The following PTER variants were observed in gnomAD, a reference collection of about 807,000 sequenced individuals.
PTER encodes N-acetyltaurine hydrolase.
Under a neutral mutation model 29.6 loss-of-function variants are expected in PTER, and 38 were observed. The observed-to-expected ratio is 1.28, with a 90% CI of 0.99 to 1.68. PTER has a LOEUF of 1.68. Among genes scored for constraint, PTER ranks in the 40% most tolerant of loss-of-function variants. The probability of loss-of-function intolerance (pLI) is 0.00; values close to 1 mark genes in which losing one functional copy is unlikely to be tolerated. For synonymous variants in PTER, 172 were observed against 154.5 expected (o/e 1.11, Z -0.84); for missense variants, 482 against 427.8 (o/e 1.13, Z -1.12).
chr10:16,447,932 G>A (rs890309211), intron 1 of PTER, among the ~76,000 whole-genome samples: 1 of 152,126 alleles, frequency 6.6e-6, no homozygotes, highest in Non-Finnish European at 1.5e-5. Context: ...TTCAGGACCC[G>A]TTCGAGCCCA....
chr10:16,456,033 C>T (rs1834383638), intron 1 of PTER, among the ~76,000 whole-genome samples: 1 of 152,136 alleles, frequency 6.6e-6, no homozygotes, highest in Non-Finnish European at 1.5e-5. Flanking sequence ...CAACCATCAT[C>T]CCCGGAATGC....
chr10:16,454,103 T>A (rs1454669983), intron 1 of PTER, among the ~76,000 whole-genome samples: 1 of 152,224 alleles, frequency 6.6e-6, no homozygotes, highest in Non-Finnish European at 1.5e-5. Flanking sequence ...TGTGTCTATT[T>A]TTTTGTGAGG....
intron 1 of PTER, among the ~76,000 whole-genome samples, chr10:16,466,507 C>T (rs1389087314): frequency 6.6e-6 from 1 of 152,166 alleles, no homozygotes; most frequent in Non-Finnish European, 1.5e-5. Context: ...AGGCATGGGC[C>T]ACCACGCCCA....
chr10:16,494,247 T>C (rs1336315290), intron 3 of PTER, among the ~76,000 whole-genome samples: 2 of 152,256 alleles, frequency 1.3e-5, no homozygotes. Flanking sequence ...TTAATTACAC[T>C]TTGTAATTCG....
At chr10:16,501,755 A>G (rs1330509318) in intron 3 of PTER, among the ~76,000 whole-genome samples, 2 of 152,220 alleles carry the variant, frequency 1.3e-5, no homozygotes, top group African/African-American at 4.8e-5. Flanking sequence ...GAGAAGCCAT[A>G]CAGTATGGTG....
intron 3 of PTER, among the ~76,000 whole-genome samples, chr10:16,498,041 A>G (rs916961059): frequency 1.6e-4 from 25 of 152,248 alleles, no homozygotes; most frequent in African/African-American, 5.8e-4. Flanking sequence ...AAATGATATC[A>G]TATGAATGAC....
chr10:16,439,407 G>A (rs976524646), intron 1 of PTER, among the ~76,000 whole-genome samples: 15 of 152,204 alleles, frequency 9.9e-5, no homozygotes, highest in Admixed American at 7.9e-4. Flanking sequence ...CCAAATAGAA[G>A]CAGAGAGTAA....
rs752376820 is a variant in PTER at position 16,484,424 on chromosome 10, C to T, written c.40C>T (p.Leu14Phe). The T allele has an allele frequency of 6.2e-7, 1 of 1,610,208 alleles. No individual in the cohort carries two copies. The highest frequency in any genetic ancestry group is 8.5e-7 in the Non-Finnish European group (1 of 1,179,132). Residue 14 changes from leucine to phenylalanine, a missense_variant, in exon 2 of 5, where the codon CTT becomes TTT. Coordinates refer to ENST00000535784, the MANE Select transcript of PTER (RefSeq NM_001261836.2). ...LSGKVQTVLG[L>F]VEPSKLGRTL... ...TGGAAAAGTCCAAACCGTTTTGGGC[C>T]TTGTAGAGCCAAGCAAACTGGGCCG...
At chr10:16,498,754 G>GTTCATT (rs1836215688) in intron 3 of PTER, among the ~76,000 whole-genome samples, 1 of 152,172 alleles carries the variant, frequency 6.6e-6, no homozygotes, top group African/African-American at 2.4e-5. Context: ...GGCACACAGA[G>GTTCATT]TTCATTTTCC....
chr10:16,495,802 G>A (rs1836073306), intron 3 of PTER, among the ~76,000 whole-genome samples: 1 of 152,136 alleles, frequency 6.6e-6, no homozygotes, highest in South Asian at 2.1e-4. Flanking sequence ...ATTAGGAGTT[G>A]GAATACCTGC....
At chr10:16,510,922 A>G in intron 4 of PTER, 124 bp from the exon 5 acceptor site, 1 of 753,530 alleles carries the variant, frequency 1.3e-6, no homozygotes, top group Non-Finnish European at 2.2e-6. Flanking sequence ...CTCAGTACAC[A>G]CGCCACAGTA....
downstream of PTER, among the ~76,000 whole-genome samples, chr10:16,515,480 C>CA (rs746106789): frequency 6.6e-6 from 1 of 152,128 alleles, no homozygotes; most frequent in Non-Finnish European, 1.5e-5. Flanking sequence ...TGAGGCCTCT[C>CA]AAGTTTCAAG....
At position 16,511,563 on chromosome 10, in the gene PTER, C is replaced by T. The variant is rs1338289320; in HGVS notation, c.*307C>T. 3.4e-6 allele frequency: 1 copy of T among 297,802 alleles called. No homozygotes were observed. Among genetic ancestry groups the T allele is most frequent in the African/African-American group, 2.1e-5 (1 of 47,884 alleles). 18.4% of individuals were successfully genotyped at this position (297,802 alleles called of 1,614,324 possible). On this transcript the variant is annotated 3_prime_UTR_variant, in exon 5 of 5. Transcript: ENST00000535784. ...GTTGTTGTTTTTCTCCCTAATCTAT[C>T]AGCTGCACTACTTGAGAAAATTTAA...
intron 1 of PTER, among the ~76,000 whole-genome samples, chr10:16,445,391 G>A (rs888079830): frequency 1.3e-5 from 2 of 152,188 alleles, no homozygotes; most frequent in African/African-American, 2.4e-5. Context: ...TAGCCTGGGC[G>A]ACAGAGTGAG....
intron 4 of PTER, among the ~76,000 whole-genome samples, chr10:16,507,750 C>T (rs1452966382): frequency 6.6e-6 from 1 of 152,236 alleles, no homozygotes; most frequent in Non-Finnish European, 1.5e-5. Flanking sequence ...AATGACTTCA[C>T]CTGTCTTGAC....
intron 4 of PTER, among the ~76,000 whole-genome samples, chr10:16,508,056 C>CT (rs989254822): frequency 6.8e-6 from 1 of 146,166 alleles, no homozygotes; most frequent in Non-Finnish European, 1.5e-5. Flanking sequence ...TTTCTTTTTT[C>CT]TTTTTTTCTT....
intron 4 of PTER, among the ~76,000 whole-genome samples, chr10:16,508,763 C>T (rs770704399): frequency 7.2e-5 from 11 of 152,158 alleles, no homozygotes; most frequent in Non-Finnish European, 1.3e-4. Flanking sequence ...TTAAATTAAA[C>T]CATGCATTCT....
In PTER at chr10:16,503,065, C is replaced by CTTT. The variant is rs541383811; in HGVS notation, c.699-1930_699-1928dup. Among the ~76,000 whole-genome samples the CTTT allele has an allele frequency of 1.9e-4, 13 of 69,414 alleles. 2 individuals are homozygous for CTTT. Among genetic ancestry groups the CTTT allele is most frequent in the East Asian group, 1.5e-3 (3 of 1,978 alleles). The allele number at this position is 69,414 out of a possible 152,430, so 45.5% of individuals were successfully genotyped here. A position where few individuals can be genotyped will look rare whatever the true frequency, so the allele number is the denominator to read the frequency against. On this transcript the variant is annotated intron_variant, in intron 3 of 4. Coordinates refer to ENST00000535784, the MANE Select transcript of PTER (RefSeq NM_001261836.2). ...GTAGATTCATGGACACATGATAGTG[C>CTTT]TTTTTTTTTTTTTTTTTTTTTTTTT... is the stretch of plus-strand genomic sequence containing the variant.
At chr10:16,485,945 GAAGA>G (rs1211636172) in intron 2 of PTER, among the ~76,000 whole-genome samples, 3 of 151,962 alleles carry the variant, frequency 2.0e-5, no homozygotes. Context: ...AAAAAACAAA[GAAGA>G]AAGAAAAAGA....
Sources: gnomAD v4.1 joint callset for allele counts (sites outside exome capture counted in the v4.1 genomes callset) on GRCh38, gnomAD v4.1.1 for gene constraint, MANE v1.5 for transcripts, NCBI Gene and HGNC (gene_info 2026-07-23, HGNC 2026-07-21) for gene names.